Variants in PAH observed in about 807,000 individuals in gnomAD.
PAH encodes phenylalanine-4-hydroxylase.
In PAH, 64 loss-of-function variants were observed where a neutral mutation model predicts 62.0. The ratio of observed to expected loss-of-function variants is 1.03; its 90% confidence interval spans 0.84 to 1.27. PAH has a LOEUF of 1.27. Among genes scored for constraint, PAH ranks in the 50% most tolerant of loss-of-function variants. PAH has a pLI of 0.00. For missense variants in PAH, 579 were observed against 542.8 expected (o/e 1.07, Z -0.66); for synonymous variants, 195 against 196.2 (o/e 0.99, Z 0.05).
rs62507319 is a variant in PAH, at chr12:102,855,177, T to C, written c.665A>G (p.Asp222Gly). The C allele has an allele frequency of 4.3e-6, 7 of 1,613,994 alleles. No homozygotes were observed. The highest frequency in any genetic ancestry group is 1.6e-4 in the Middle Eastern group (1 of 6,084). The stretch of plus-strand genomic sequence containing the variant: ...AACGTCTTCCAGCTGGGGAATGTTA[T>C]CTTCATGGAAGCCACAGTACTTTTC... The part of the protein sequence containing the change: ...LLEKYCGFHE[D>G]NIPQLEDVSQ... Residue 222 changes from aspartate (D) to glycine (G), a missense_variant, in exon 6 of 13, where the codon GAT becomes GGT. By Grantham distance (94) the Asp-to-Gly change is moderately conservative. Transcript: ENST00000553106.
At chr12:102,849,906 C>A (rs1215555915) in intron 8 of PAH, among the ~76,000 whole-genome samples, 2 of 152,208 alleles carry the variant, frequency 1.3e-5, no homozygotes, top group African/African-American at 4.8e-5. Flanking sequence ...TGCCTTGGAA[C>A]TGTCCAGATC....
rs2136728385 is a variant in PAH, at chr12:102,912,887, A to G, written c.72T>C (p.Tyr24=). ...CATTTTGATTGCAGTTGTCTTCAAT[A>G]TAGCTTGTTTCCTACAGGATAAGAT... ...KLSDFGQETS[Y]IEDNCNQNGA... Residue 24 remains tyrosine (Y), a synonymous_variant, in exon 2 of 13, where the codon TAT becomes TAC. Transcript: ENST00000553106. 6.2e-7 allele frequency: 1 copy of G among 1,608,502 alleles called. No individual in the cohort carries two copies. Among genetic ancestry groups the G allele is most frequent in the South Asian group, 1.1e-5 (1 of 90,982 alleles).
intron 5 of PAH, among the ~76,000 whole-genome samples, chr12:102,866,265 C>T (rs1388535376): frequency 1.3e-5 from 2 of 152,002 alleles, no homozygotes; most frequent in African/African-American, 2.4e-5. Flanking sequence ...TAGAGAAGAC[C>T]GGAGGCTGTT....
At chr12:102,884,889 G>A (rs547808374) in intron 3 of PAH, among the ~76,000 whole-genome samples, 70 of 152,170 alleles carry the variant, frequency 4.6e-4, no homozygotes, top group African/African-American at 1.4e-3. Context: ...CCTTTAATTC[G>A]CAAAACAGTC....
chr12:102,856,817 C>A (rs1875457902), intron 5 of PAH, among the ~76,000 whole-genome samples: 1 of 152,198 alleles, frequency 6.6e-6, no homozygotes, highest in Non-Finnish European at 1.5e-5. Flanking sequence ...GACATCCACA[C>A]CAAAACCCCA....
At chr12:102,906,904 T>C (rs1878000233) in intron 2 of PAH, among the ~76,000 whole-genome samples, 1 of 152,222 alleles carries the variant, frequency 6.6e-6, no homozygotes, top group South Asian at 2.1e-4. Context: ...CACTTGTCAA[T>C]ATCAACATAC....
At chr12:102,911,312 G>C (rs76396943) in intron 2 of PAH, among the ~76,000 whole-genome samples, 1 of 152,274 alleles carries the variant, frequency 6.6e-6, no homozygotes, top group South Asian at 2.1e-4. Context: ...TTGAGGAAGA[G>C]ACCCCACGTT....
chr12:102,868,153 T>C lies in PAH; in HGVS notation c.442-1490A>G, dbSNP rs11835429. Reference sequence around the variant, plus strand: ...ATATATATATATATATATATATATATACACATATATATACATATATGTGTA... The same window carrying C: ...ATATATATATATATATATATATATACACACATATATATACATATATGTGTA... On this transcript the variant is annotated intron_variant, in intron 4 of 12. Coordinates refer to ENST00000553106, the MANE Select transcript of PAH (RefSeq NM_000277.3). Among the ~76,000 whole-genome samples, 47 of 6,966 alleles carry C rather than the reference T, an allele frequency of 6.7e-3. 1 individual carries two copies. The highest frequency in any genetic ancestry group is 0.027 in the African/African-American group (33 of 1,208). 4.6% of individuals were successfully genotyped at this position (6,966 alleles called of 152,430 possible).
intron 4 of PAH, among the ~76,000 whole-genome samples, chr12:102,874,017 A>G (rs1876465069): frequency 6.6e-6 from 1 of 152,206 alleles, no homozygotes; most frequent in Non-Finnish European, 1.5e-5. Context: ...GAAGAAGTAA[A>G]CTTATTGTGA....
Position 102,852,889 on chromosome 12 carries a change from A to C in PAH, c.768T>G (p.Gly256=), listed in dbSNP as rs1162132735. The C allele has an allele frequency of 6.2e-7, 1 of 1,614,122 alleles. No homozygotes were observed. The highest frequency in any genetic ancestry group is 2.2e-5 in the East Asian group (1 of 44,872). ...AGTGGAAGACTCGGAAGGCCAGGCC[A>C]CCCAAGAAATCCCGAGAGGAAAGCA... ...AGLLSSRDFL[G]GLAFRVFHCT... is the part of the protein sequence containing the mutation. The change falls in exon 7 of 13, where the codon GGT becomes GGG. Residue 256 remains glycine, a synonymous_variant. Transcript: ENST00000553106.
chr12:102,855,347 C>T lies in PAH; in HGVS notation c.510-15G>A, dbSNP rs1190797480. 1.2e-6 allele frequency: 2 copies of T among 1,612,376 alleles called. No individual in the cohort carries two copies. The highest frequency in any genetic ancestry group is 1.7e-6 in the Non-Finnish European group (2 of 1,178,656). The stretch of plus-strand genomic sequence containing the variant: ...TGGGCTGCCCACTAGAATACAGGCA[C>T]AAAATAGGTGTCTCAAGCAGGGCAG... On this transcript the variant is annotated splice_polypyrimidine_tract_variant and intron_variant, in intron 5 of 12. Transcript: ENST00000553106.
At chr12:102,922,953 T>C (rs1032016929) in intron 1 of PAH, among the ~76,000 whole-genome samples, 2 of 152,244 alleles carry the variant, frequency 1.3e-5, no homozygotes, top group Non-Finnish European at 2.9e-5. Flanking sequence ...CGGTTATGTA[T>C]GGTCTATCAA....
chr12:102,897,486 T>TAC (rs1207079641), intron 2 of PAH, among the ~76,000 whole-genome samples: 3 of 140,140 alleles, frequency 2.1e-5, no homozygotes, highest in Admixed American at 6.9e-5. Flanking sequence ...TATATATATA[T>TAC]ATATATAATT....
chr12:102,902,942 T>A (rs1357671645), intron 2 of PAH, among the ~76,000 whole-genome samples: 2 of 152,214 alleles, frequency 1.3e-5, no homozygotes, highest in African/African-American at 4.8e-5. Flanking sequence ...CAGGGGAGAC[T>A]CCTTGCAGGA....
chr12:102,900,748 C>G (rs1209986456), intron 2 of PAH, among the ~76,000 whole-genome samples: 3 of 152,142 alleles, frequency 2.0e-5, no homozygotes, highest in African/African-American at 7.2e-5. Context: ...AATTTACAAG[C>G]CTGATTAGGA....
intron 11 of PAH, among the ~76,000 whole-genome samples, chr12:102,842,644 G>A (rs1874640917): frequency 6.6e-6 from 1 of 152,080 alleles, no homozygotes; most frequent in African/African-American, 2.4e-5. Context: ...GATTTAGAAA[G>A]GAAGGACTAA....
chr12:102,877,375 A>G (rs1010831842), intron 4 of PAH, 87 bp downstream of exon 4: 3 of 968,760 alleles, frequency 3.1e-6, no homozygotes. Context: ...GAACAAGTAC[A>G]TTGCTCCAAG....
intron 9 of PAH, among the ~76,000 whole-genome samples, chr12:102,846,637 T>A (rs1874856517): frequency 6.6e-6 from 1 of 152,240 alleles, no homozygotes; most frequent in African/African-American, 2.4e-5. Flanking sequence ...CAAGGGCTAC[T>A]ATTATAGCCT....
chr12:102,850,223 T>A (rs1875084418), intron 8 of PAH, among the ~76,000 whole-genome samples: 1 of 152,196 alleles, frequency 6.6e-6, no homozygotes, highest in African/African-American at 2.4e-5. Context: ...CAGTTAAAGT[T>A]CAACTAATCC....
Sources: allele counts gnomAD v4.1 joint callset (sites outside exome capture counted in the v4.1 genomes callset), GRCh38; gene constraint gnomAD v4.1.1; transcripts MANE v1.5; gene names NCBI Gene and HGNC (gene_info 2026-07-23, HGNC 2026-07-21).